ZNF596: variants seen among roughly 807,000 people sequenced by gnomAD.
ZNF596 encodes zinc finger protein 596.
ZNF596 carries 45 observed loss-of-function variants against 48.3 expected under a neutral mutation model. The ratio of observed to expected loss-of-function variants is 0.93; its 90% CI spans 0.73 to 1.19. The LOEUF is 1.19. Among genes scored for constraint, ZNF596 ranks in the 50% most tolerant of loss-of-function variants. ZNF596 has a pLI of 0.00. For missense variants in ZNF596, 848 were observed against 599.7 expected (o/e 1.41, Z -4.32); for synonymous variants, 270 against 202.0 (o/e 1.34, Z -2.85).
Position 245,983 on chromosome 8 carries a change from A to G in ZNF596, c.1136A>G (p.Lys379Arg), listed in dbSNP as rs867899295. 1 of 1,613,046 alleles carries G rather than the reference A, an allele frequency of 6.2e-7. No homozygotes were observed. The highest frequency in any genetic ancestry group is 8.5e-7 in the Non-Finnish European group (1 of 1,179,746). ...GKAFTESSVLKRHERIHTGEK... is the reference protein window; with the variant it reads ...GKAFTESSVLRRHERIHTGEK... ...GCATTCACTGAATCTTCTGTGCTTA[A>G]ACGACATGAGAGAATTCACACTGGA... Residue 379 changes from lysine to arginine, a missense_variant, in exon 6 of 6, where the codon AAA becomes AGA. Transcript: ENST00000398612.
chr8:233,299 C>T (rs1053866177), intron 1 of ZNF596: 6 of 325,108 alleles, frequency 1.8e-5, no homozygotes, highest in Non-Finnish European at 3.8e-5. Context: ...GCAGCAGAAG[C>T]CTAATTCCCA....
At chr8:239,047 T>G (rs1458058737) in intron 1 of ZNF596, among the ~76,000 whole-genome samples, 1 of 152,136 alleles carries the variant, frequency 6.6e-6, no homozygotes, top group African/African-American at 2.4e-5. Context: ...AAGAGCTGAC[T>G]TGATCAAGCA....
chr8:245,911 G>C lies in ZNF596; in HGVS notation c.1064G>C (p.Arg355Pro), dbSNP rs530836868. Reference sequence around the variant, plus strand: ...TGTTCTCACCTTAGACAACATGAGCGAAGTCACAATGGAGAGAAACCACAT... The same window carrying C: ...TGTTCTCACCTTAGACAACATGAGCCAAGTCACAATGGAGAGAAACCACAT... ...SHCSHLRQHE[R>P]SHNGEKPHGC... The change falls in exon 6 of 6, where the codon CGA (arginine) becomes CCA (proline). Residue 355 changes from arginine to proline, a missense_variant. Physicochemically the swap from Arg to Pro is moderately radical, Grantham distance 103. Coordinates refer to ENST00000398612, the MANE Select transcript of ZNF596 (RefSeq NM_001042416.3). 1.9e-6 allele frequency: 3 copies of C among 1,613,570 alleles called. No homozygotes were observed. The highest frequency in any genetic ancestry group is 3.3e-5 in the Admixed American group (2 of 59,972).
In ZNF596 at chr8:243,639, C is replaced by T; in HGVS notation, c.140-83C>T. The T allele has an allele frequency of 2.2e-6, 3 of 1,383,132 alleles. No individual in the cohort carries two copies. The East Asian group carries it at 7.0e-5, about 32-fold the overall frequency. The allele number at this position is 1,383,132 out of a possible 1,614,324, so 85.7% of individuals were successfully genotyped here. On this transcript the variant is annotated intron_variant, in intron 3 of 5. Transcript: ENST00000398612. ...ACCTTCAGTGGCTAACTTATCCTTC[C>T]CAGTAGGCTGCCCTGTATCTGATAA...
At chr8:244,492 A>G in intron 4 of ZNF596, 127 bp from the exon 5 acceptor site, 1 of 687,530 alleles carries the variant, frequency 1.5e-6, no homozygotes, top group Non-Finnish European at 2.6e-6. Context: ...TCCTTAAAGT[A>G]TGGTTAATTT....
chr8:243,025 T>C lies in ZNF596; in HGVS notation c.139+12T>C, dbSNP rs1796917245. 6.2e-7 allele frequency: 1 copy of C among 1,604,812 alleles called. No individual in the cohort carries two copies. Among genetic ancestry groups the C allele is most frequent in the African/African-American group, 1.3e-5 (1 of 74,728 alleles). ...TCTGGTCTCTATTGGTGAGTCTCTT[T>C]ATATTTATTATGTATGTATATACGG... On this transcript the variant is annotated intron_variant, in intron 3 of 5. Transcript: ENST00000398612.
At chr8:232,858 G>C (rs1173176605) in intron 1 of ZNF596, 164 bp downstream of exon 1, 1 of 455,384 alleles carries the variant, frequency 2.2e-6, no homozygotes, top group Non-Finnish European at 4.6e-6. Flanking sequence ...GCTTCGGGGT[G>C]GCCGCCTCAG....
chr8:236,650 T>C (rs1796626961), intron 1 of ZNF596, among the ~76,000 whole-genome samples: 2 of 152,214 alleles, frequency 1.3e-5, no homozygotes, highest in Admixed American at 1.3e-4. Flanking sequence ...TTCAAAGGTC[T>C]ATTAATGTGA....
rs200503598 is a variant in ZNF596, at chr8:245,692, A to T, written c.845A>T (p.His282Leu). 3.0e-5 allele frequency: 49 copies of T among 1,614,186 alleles called. No homozygotes were observed. In the African/African-American group the frequency reaches 4.4e-4, roughly 14 times the overall value. The change falls in exon 6 of 6, where the codon CAT becomes CTT. Residue 282 changes from histidine (H) to leucine (L), a missense_variant. Coordinates refer to ENST00000398612, the MANE Select transcript of ZNF596 (RefSeq NM_001042416.3). ...ACTAGAGAAAAAGCACAGATATGCC[A>T]TCTATGTGGGAAAGCCTTCACTCAT... ...IHTREKAQIC[H>L]LCGKAFTHCS...
intron 1 of ZNF596, among the ~76,000 whole-genome samples, chr8:235,412 T>C (rs1349105601): frequency 2.6e-5 from 4 of 152,166 alleles, no homozygotes; most frequent in Non-Finnish European, 2.9e-5. Flanking sequence ...ACAAACTGTA[T>C]AGATACTCTT....
Position 233,000 on chromosome 8 carries a change from G to T in ZNF596, c.-73+306G>T, listed in dbSNP as rs141271408. Reference sequence around the variant, plus strand: ...CCTTCCCGGTGTCCCACTGAGAAGCGGGCTCTTCCTTGGCAGGGGCTTCTT... The same window carrying T: ...CCTTCCCGGTGTCCCACTGAGAAGCTGGCTCTTCCTTGGCAGGGGCTTCTT... On this transcript the variant is annotated intron_variant, in intron 1 of 5. Transcript: ENST00000398612. The T allele has an allele frequency of 2.1e-3, 970 of 468,722 alleles. 32 individuals carry two copies. In the East Asian group the frequency reaches 0.05, roughly 24 times the overall value. The allele number at this position is 468,722 out of a possible 1,614,324, so 29.0% of individuals were successfully genotyped here.
In ZNF596 at chr8:245,873, AG is replaced by A; in HGVS notation, c.1027del (p.Ala343ProfsTer160). ...CATATGAATGTCATCTATGTGGAAA[AG>A]CCTTCTCTCATTGTTCTCACCTTAG... ...KPYECHLCGKAFSHCSHLRQH... is the reference protein window; with the variant it reads ...KPYECHLCGKXFSHCSHLRQH... On this transcript the variant is annotated frameshift_variant, in exon 6 of 6. Coordinates refer to ENST00000398612, the MANE Select transcript of ZNF596 (RefSeq NM_001042416.3). LOFTEE classifies it high-confidence loss of function. 1.2e-6 allele frequency: 2 copies of A among 1,614,038 alleles called. No individual in the cohort carries two copies. Among genetic ancestry groups the A allele is most frequent in the Non-Finnish European group, 1.7e-6 (2 of 1,179,986 alleles).
At chr8:232,860 C>G (rs1321937518) in intron 1 of ZNF596, 166 bp downstream of exon 1, 1 of 455,630 alleles carries the variant, frequency 2.2e-6, no homozygotes, top group African/African-American at 2.1e-5. Context: ...TTCGGGGTGG[C>G]CGCCTCAGAC....
chr8:243,589 T>C lies in ZNF596; in HGVS notation c.140-133T>C, dbSNP rs1278647076. The C allele has an allele frequency of 4.2e-6, 3 of 722,140 alleles. No individual in the cohort carries two copies. In the African/African-American group the frequency reaches 5.4e-5, roughly 13 times the overall value. The allele number at this position is 722,140 out of a possible 1,614,324, so 44.7% of individuals were successfully genotyped here. A position where few individuals can be genotyped will look rare whatever the true frequency, so the allele number is the denominator to read the frequency against. On this transcript the variant is annotated intron_variant, in intron 3 of 5. Coordinates refer to ENST00000398612, the MANE Select transcript of ZNF596 (RefSeq NM_001042416.3). Reference sequence around the variant, plus strand: ...TGCTCGTGAAGGACTGTCAATGTTGTCTTCAAGGTACTCTTCCCAGGCTGA... The same window carrying C: ...TGCTCGTGAAGGACTGTCAATGTTGCCTTCAAGGTACTCTTCCCAGGCTGA...
At position 246,348 on chromosome 8, in the gene ZNF596, G is replaced by A. The variant is rs550560272; in HGVS notation, c.1501G>A (p.Ala501Thr). 1.9e-6 allele frequency: 3 copies of A among 1,585,662 alleles called. No homozygotes were observed. Among genetic ancestry groups the A allele is most frequent in the East Asian group, 2.2e-5 (1 of 44,744 alleles). The change falls in exon 6 of 6, where the codon GCA (alanine) becomes ACA (threonine). Residue 501 changes from alanine (A) to threonine (T), a missense_variant. Physicochemically the swap from Ala to Thr is moderately conservative, Grantham distance 58. Coordinates refer to ENST00000398612, the MANE Select transcript of ZNF596 (RefSeq NM_001042416.3). ...ACATGAGAGAACTCACACTAAAAAA[G>A]CAATGAATATGTAAGAATCATCAGC... is the stretch of plus-strand genomic sequence containing the variant. ...RQHERTHTKKAMNM is the reference protein window; with the variant it reads ...RQHERTHTKKTMNM
At chr8:244,392 T>G (rs1796975595) in intron 4 of ZNF596, 9 of 541,338 alleles carry the variant, frequency 1.7e-5, no homozygotes, top group East Asian at 3.2e-5. Context: ...AATGGTCCTC[T>G]TCTTTGAAAA....
chr8:238,040 A>T (rs1258905813), intron 1 of ZNF596, among the ~76,000 whole-genome samples: 1 of 152,194 alleles, frequency 6.6e-6, no homozygotes, highest in East Asian at 1.9e-4. Flanking sequence ...TGGAGGACTT[A>T]GAGAATCCTG....
chr8:243,941 G>A (rs1172423505), intron 4 of ZNF596, 136 bp downstream of exon 4: 2 of 650,720 alleles, frequency 3.1e-6, no homozygotes, highest in Non-Finnish European at 2.5e-6. Context: ...AGGCTGGAGT[G>A]CAGTGGCGTG....
rs985068189 is a variant in ZNF596, at chr8:244,622, G to C, written c.227G>C (p.Arg76Thr). The part of the protein sequence containing the change: ...STQRISLLQG[R>T]EVGIKHQEIP... ...TTTTTTTTTTCATTTATTTCAGGTA[G>C]AGAAGTTGGCATTAAACATCAAGAG... The change falls in exon 5 of 6, where the codon AGA becomes ACA. Residue 76 changes from arginine to threonine, a missense_variant. Physicochemically the swap from Arg to Thr is moderately conservative, Grantham distance 71. Transcript: ENST00000398612. 2.5e-6 allele frequency: 4 copies of C among 1,605,484 alleles called. No individual in the cohort carries two copies. Among genetic ancestry groups the C allele is most frequent in the Non-Finnish European group, 3.4e-6 (4 of 1,175,162 alleles).
Sources: gnomAD v4.1 joint callset for allele counts (sites outside exome capture counted in the v4.1 genomes callset) on GRCh38, gnomAD v4.1.1 for gene constraint, MANE v1.5 for transcripts, NCBI Gene and HGNC (gene_info 2026-07-23, HGNC 2026-07-21) for gene names.